The following MLLT10 variants were observed in gnomAD, a reference collection of about 807,000 sequenced individuals.
The protein encoded by MLLT10 is protein AF-10.
Under a neutral mutation model 129.1 loss-of-function variants are expected in MLLT10, and 30 were observed. The observed-to-expected ratio is 0.23, with a 90% CI of 0.17 to 0.32. MLLT10 has a LOEUF of 0.32. Among genes scored for constraint, MLLT10 ranks in the 10% least tolerant of loss-of-function variants. The pLI is 1.00. For synonymous variants in MLLT10, 490 were observed against 446.4 expected (o/e 1.10, Z -1.23); for missense variants, 1,119 against 1,268.3 (o/e 0.88, Z 1.79).
At chr10:21,675,250 G>T (rs1437102122) in intron 11 of MLLT10, among the ~76,000 whole-genome samples, 1 of 152,176 alleles carries the variant, frequency 6.6e-6, no homozygotes, top group Non-Finnish European at 1.5e-5. Context: ...GATGGTTCTA[G>T]AGCAGGATTT....
rs745689641 is a variant in MLLT10, at chr10:21,741,889, T to C, written c.3163-50T>C. ...GTCACAGTTTCAAATTCGGAGAATA[T>C]TATCAAAAGTTGATTTAGCTAACGC... On this transcript the variant is annotated intron_variant, in intron 22 of 22. Coordinates refer to ENST00000307729, the MANE Select transcript of MLLT10 (RefSeq NM_001195626.3). The C allele has an allele frequency of 3.8e-6, 6 of 1,571,740 alleles. No homozygotes were observed. In the Admixed American group the frequency reaches 1.1e-4, roughly 28 times the overall value.
intron 11 of MLLT10, among the ~76,000 whole-genome samples, chr10:21,676,669 C>T (rs191015891): frequency 2.7e-5 from 3 of 112,008 alleles, no homozygotes; most frequent in African/African-American, 1.1e-4. Flanking sequence ...TGCAGTGAGC[C>T]GAGATCGGGC....
At chr10:21,608,748 T>G (rs1428069773) in intron 5 of MLLT10, among the ~76,000 whole-genome samples, 1 of 152,152 alleles carries the variant, frequency 6.6e-6, no homozygotes, top group Non-Finnish European at 1.5e-5. Flanking sequence ...GATCTCTTCT[T>G]AAGTTTGCTA....
chr10:21,626,432 G>A (rs1021322517), intron 8 of MLLT10: 16 of 607,006 alleles, frequency 2.6e-5, no homozygotes, highest in African/African-American at 1.7e-4. Flanking sequence ...AAGCAGGTAC[G>A]TGTGCAGAAC....
intron 3 of MLLT10, among the ~76,000 whole-genome samples, chr10:21,565,665 G>T (rs1258541545): frequency 6.6e-6 from 1 of 150,526 alleles, no homozygotes; most frequent in African/African-American, 2.4e-5. Context: ...CATTGCAGTG[G>T]CACAATCATG....
chr10:21,742,042 C>G lies in MLLT10; in HGVS notation c.*59C>G. Reference sequence around the variant, plus strand: ...CTGTTCTAGCACTTCATCTGGCTGCCTTTGCAGTCCTTTTACTACAGCTAT... The same window carrying G: ...CTGTTCTAGCACTTCATCTGGCTGCGTTTGCAGTCCTTTTACTACAGCTAT... On this transcript the variant is annotated 3_prime_UTR_variant, in exon 23 of 23. Coordinates refer to ENST00000307729, the MANE Select transcript of MLLT10 (RefSeq NM_001195626.3). 1.3e-6 allele frequency: 2 copies of G among 1,492,382 alleles called. No homozygotes were observed. The highest frequency in any genetic ancestry group is 1.9e-6 in the Non-Finnish European group (2 of 1,077,176). 92.4% of individuals were successfully genotyped at this position (1,492,382 alleles called of 1,614,324 possible). A position where few individuals can be genotyped will look rare whatever the true frequency, so the allele number is the denominator to read the frequency against.
At chr10:21,600,368 A>AACACACAC (rs199618726) in intron 5 of MLLT10, among the ~76,000 whole-genome samples, 316 of 144,640 alleles carry the variant, frequency 2.2e-3, no homozygotes, top group East Asian at 0.01. Flanking sequence ...CCTGAGATAG[A>AACACACAC]ACACACACAC....
chr10:21,704,024 T>G (rs1425080476), intron 13 of MLLT10, among the ~76,000 whole-genome samples: 37 of 135,396 alleles, frequency 2.7e-4, no homozygotes, highest in Admixed American at 8.9e-4. Context: ...TTGTTTTTTT[T>G]TTTTTTTTTT....
intron 8 of MLLT10, among the ~76,000 whole-genome samples, chr10:21,617,629 A>G (rs1184185994): frequency 1.3e-5 from 2 of 151,954 alleles, no homozygotes; most frequent in Admixed American, 6.6e-5. Flanking sequence ...CAGTGGTGCT[A>G]CTGGTTTATT....
At chr10:21,561,549 G>A (rs1415229131) in intron 3 of MLLT10, among the ~76,000 whole-genome samples, 1 of 151,986 alleles carries the variant, frequency 6.6e-6, no homozygotes, top group African/African-American at 2.4e-5. Flanking sequence ...GTGAGCCACT[G>A]CACCCGGCCC....
intron 14 of MLLT10, among the ~76,000 whole-genome samples, chr10:21,720,838 C>CA (rs1310465091): frequency 6.6e-6 from 1 of 152,152 alleles, no homozygotes; most frequent in Non-Finnish European, 1.5e-5. Context: ...TGAGCGCTTA[C>CA]CATGTGTCAA....
At chr10:21,713,302 G>C (rs2056272875) in intron 13 of MLLT10, among the ~76,000 whole-genome samples, 1 of 152,100 alleles carries the variant, frequency 6.6e-6, no homozygotes, top group Non-Finnish European at 1.5e-5. Context: ...TTCAAGTTGG[G>C]CCTGTTCCAT....
chr10:21,652,088 A>C (rs1245247491), intron 9 of MLLT10, among the ~76,000 whole-genome samples: 1 of 151,328 alleles, frequency 6.6e-6, no homozygotes, highest in African/African-American at 2.4e-5. Context: ...AATTTTTTGT[A>C]TCTTTAGTAG....
chr10:21,709,098 A>T (rs986959788), intron 13 of MLLT10, among the ~76,000 whole-genome samples: 2 of 152,212 alleles, frequency 1.3e-5, no homozygotes, highest in African/African-American at 2.4e-5. Context: ...GTTTTGTCTA[A>T]GTCAAAAGCC....
intron 5 of MLLT10, among the ~76,000 whole-genome samples, chr10:21,601,095 C>T (rs1286692640): frequency 6.6e-6 from 1 of 152,072 alleles, no homozygotes; most frequent in Non-Finnish European, 1.5e-5. Context: ...AGGCATGCAC[C>T]ATCATGTCTG....
At chr10:21,717,496 C>T (rs1277186802) in intron 14 of MLLT10, among the ~76,000 whole-genome samples, 3 of 68,824 alleles carry the variant, frequency 4.4e-5, no homozygotes, top group African/African-American at 1.7e-4. Flanking sequence ...TCCTCCTCCT[C>T]CTCCTCCTCC....
chr10:21,598,448 A>G (rs1241622344), intron 5 of MLLT10, among the ~76,000 whole-genome samples: 1 of 152,204 alleles, frequency 6.6e-6, no homozygotes, highest in Non-Finnish European at 1.5e-5. Context: ...TGAGAATAAT[A>G]TTTAGAAGCC....
intron 3 of MLLT10, among the ~76,000 whole-genome samples, chr10:21,550,368 T>C (rs1307482931): frequency 2.6e-5 from 4 of 152,196 alleles, no homozygotes; most frequent in Non-Finnish European, 5.9e-5. Flanking sequence ...CTTCCTGTTA[T>C]GACATGGATC....
At chr10:21,688,750 C>T (rs774677935) in intron 13 of MLLT10, among the ~76,000 whole-genome samples, 2 of 152,074 alleles carry the variant, frequency 1.3e-5, no homozygotes, top group African/African-American at 4.8e-5. Context: ...CATATTGCTT[C>T]AGACTTGGTA....
Sources: allele counts gnomAD v4.1 joint callset (sites outside exome capture counted in the v4.1 genomes callset), GRCh38; gene constraint gnomAD v4.1.1; transcripts MANE v1.5; gene names NCBI Gene and HGNC (gene_info 2026-07-23, HGNC 2026-07-21).